ANO6: variants seen among roughly 807,000 people sequenced by gnomAD.
ANO6 encodes anoctamin 6.
ANO6 carries 106 observed loss-of-function variants against 117.5 expected under a neutral mutation model. The ratio of observed to expected loss-of-function variants is 0.90; its 90% confidence interval spans 0.77 to 1.06. The LOEUF (loss-of-function observed/expected upper bound fraction) is 1.06. ANO6 is among the 50% of genes least tolerant of loss of function. ANO6 has a pLI of 0.00. For synonymous variants in ANO6, 367 were observed against 385.1 expected (o/e 0.95, Z 0.55); for missense variants, 955 against 1,121.1 (o/e 0.85, Z 2.12).
chr12:45,348,367 G>T, intron 5 of ANO6, 52 bp downstream of exon 5: 1 of 1,611,220 alleles, frequency 6.2e-7, no homozygotes, highest in Non-Finnish European at 8.5e-7. Context: ...GGAACCTGCT[G>T]TTTTGTGGTT....
intron 3 of ANO6, among the ~76,000 whole-genome samples, chr12:45,332,310 TCACACA>T (rs68029687): frequency 4.3e-4 from 27 of 63,430 alleles, no homozygotes; most frequent in Non-Finnish European, 7.6e-4. Flanking sequence ...TCTCTCTCTC[TCACACA>T]CACACACACA....
chr12:45,303,105 A>G (rs1288586214), intron 2 of ANO6, among the ~76,000 whole-genome samples: 1 of 152,186 alleles, frequency 6.6e-6, no homozygotes, highest in African/African-American at 2.4e-5. Flanking sequence ...CTGAAAAGGG[A>G]TGGCACATAA....
chr12:45,240,755 A>G (rs1444520253), intron 1 of ANO6, among the ~76,000 whole-genome samples: 2 of 152,100 alleles, frequency 1.3e-5, no homozygotes, highest in East Asian at 1.9e-4. Flanking sequence ...GGTGGTGACA[A>G]AATGTCTCAG....
chr12:45,303,847 CT>C (rs2137311929), intron 2 of ANO6, among the ~76,000 whole-genome samples: 1 of 152,314 alleles, frequency 6.6e-6, no homozygotes, highest in Non-Finnish European at 1.5e-5. Flanking sequence ...GATTCTTGGG[CT>C]AAATCCCCAC....
At chr12:45,338,476 A>G (rs1940888508) in intron 3 of ANO6, among the ~76,000 whole-genome samples, 1 of 152,118 alleles carries the variant, frequency 6.6e-6, no homozygotes, top group African/African-American at 2.4e-5. Flanking sequence ...GAGATATGGC[A>G]GCCAGTGTTG....
chr12:45,218,891 G>A (rs1463482569), intron 1 of ANO6, among the ~76,000 whole-genome samples: 2 of 152,134 alleles, frequency 1.3e-5, no homozygotes, highest in Admixed American at 6.5e-5. Flanking sequence ...ACTTGGGTAC[G>A]GAAGATTTCT....
chr12:45,293,729 G>GTTTTTTTTTTTTTTTTTT (rs138396024), intron 1 of ANO6, among the ~76,000 whole-genome samples: 2 of 48,406 alleles, frequency 4.1e-5, no homozygotes, highest in Non-Finnish European at 7.2e-5. Flanking sequence ...CCTGGCTAAT[G>GTTTTTTTTTTTTTTTTTT]TTTTTTTTTT....
chr12:45,320,966 G>A (rs1339043481), intron 2 of ANO6, among the ~76,000 whole-genome samples: 4 of 148,974 alleles, frequency 2.7e-5, no homozygotes, highest in African/African-American at 9.8e-5. Flanking sequence ...TTTTCCATTT[G>A]CTTGGTAGAT....
intron 19 of ANO6, among the ~76,000 whole-genome samples, chr12:45,428,753 C>G (rs954485969): frequency 3.3e-5 from 5 of 152,132 alleles, no homozygotes; most frequent in Non-Finnish European, 7.4e-5. Flanking sequence ...TGGAGAAGTG[C>G]AAGGCCATTA....
At chr12:45,355,829 G>C (rs74080827) in intron 7 of ANO6, among the ~76,000 whole-genome samples, 2,954 of 152,210 alleles carry the variant, frequency 0.019, 88 homozygotes, top group African/African-American at 0.067. Flanking sequence ...GGATGTTCCT[G>C]TCTGAAGTCT....
intron 12 of ANO6, among the ~76,000 whole-genome samples, chr12:45,391,395 A>G (rs976256238): frequency 1.3e-5 from 2 of 152,202 alleles, no homozygotes; most frequent in Non-Finnish European, 2.9e-5. Context: ...GAAGCCTAGA[A>G]ATAGCCCCTG....
intron 12 of ANO6, among the ~76,000 whole-genome samples, chr12:45,391,979 G>T (rs1942465366): frequency 6.6e-6 from 1 of 152,228 alleles, no homozygotes; most frequent in African/African-American, 2.4e-5. Context: ...GAGGTACCTG[G>T]TTCATCTCAT....
At chr12:45,363,028 G>T (rs1292149942) in intron 8 of ANO6, among the ~76,000 whole-genome samples, 2 of 151,898 alleles carry the variant, frequency 1.3e-5, no homozygotes, top group African/African-American at 4.8e-5. Context: ...TTACTGTCAT[G>T]TGTCTATTTA....
chr12:45,325,089 C>T (rs750262914), intron 2 of ANO6, among the ~76,000 whole-genome samples: 12 of 152,114 alleles, frequency 7.9e-5, no homozygotes, highest in South Asian at 2.1e-4. Context: ...CATACAGTTA[C>T]GAAGTCAAGC....
At chr12:45,363,512 C>T (rs1014043095) in intron 8 of ANO6, among the ~76,000 whole-genome samples, 70 of 150,602 alleles carry the variant, frequency 4.6e-4, no homozygotes, top group African/African-American at 1.6e-3. Flanking sequence ...TGCAGGGAGC[C>T]GAAGTCACGC....
chr12:45,388,094 C>A, intron 10 of ANO6, 67 bp from the exon 11 acceptor site: 1 of 1,579,812 alleles, frequency 6.3e-7, no homozygotes, highest in South Asian at 1.1e-5. Flanking sequence ...TAATATTATT[C>A]AGTACAGATT....
At chr12:45,268,878 T>TG (rs1938301721) in intron 1 of ANO6, among the ~76,000 whole-genome samples, 1 of 152,226 alleles carries the variant, frequency 6.6e-6, no homozygotes, top group Non-Finnish European at 1.5e-5. Flanking sequence ...TTGTAAGAAT[T>TG]GCTATTTCCG....
chr12:45,382,907 T>C (rs1942204733), intron 10 of ANO6, among the ~76,000 whole-genome samples: 1 of 152,188 alleles, frequency 6.6e-6, no homozygotes, highest in Admixed American at 6.5e-5. Flanking sequence ...GGAGGATGGT[T>C]GCTGAAGGTT....
At chr12:45,237,205 A>G (rs139980982) in intron 1 of ANO6, among the ~76,000 whole-genome samples, 3,336 of 152,084 alleles carry the variant, frequency 0.022, 62 homozygotes, top group East Asian at 0.069. Context: ...AGTTTCTTTC[A>G]CTGTGCAGAA....
Sources: gnomAD v4.1 joint callset for allele counts (sites outside exome capture counted in the v4.1 genomes callset) on GRCh38, gnomAD v4.1.1 for gene constraint, MANE v1.5 for transcripts, NCBI Gene and HGNC (gene_info 2026-07-23, HGNC 2026-07-21) for gene names.